NRP1: variants seen among roughly 807,000 people sequenced by gnomAD.
NRP1 encodes the protein neuropilin-1.
NRP1 carries 35 observed loss-of-function variants against 106.7 expected under a neutral mutation model. The observed-to-expected ratio is 0.33, with a 90% confidence interval of 0.25 to 0.43. The LOEUF is 0.43. Ranked by LOEUF, NRP1 falls within the 20% of genes least tolerant of loss-of-function variation. NRP1 has a pLI of 1.00. For synonymous variants in NRP1, 437 were observed against 417.9 expected (o/e 1.05, Z -0.56); for missense variants, 1,024 against 1,170.4 (o/e 0.87, Z 1.83).
intron 15 of NRP1, among the ~76,000 whole-genome samples, chr10:33,183,349 A>AAGAAG (rs1835808096): frequency 6.6e-6 from 1 of 151,934 alleles, no homozygotes; most frequent in Admixed American, 6.6e-5. Flanking sequence ...AAAAAAAAAA[A>AAGAAG]AGAAGAGAAG....
intron 9 of NRP1, chr10:33,211,605 T>G (rs1838306931): frequency 6.6e-6 from 1 of 152,270 alleles, no homozygotes; most frequent in South Asian, 2.1e-4. Context: ...GCCCTGCCAG[T>G]GGCCCGCTGC....
intron 7 of NRP1, among the ~76,000 whole-genome samples, chr10:33,225,531 C>T (rs1209648946): frequency 1.3e-5 from 2 of 152,162 alleles, no homozygotes; most frequent in African/African-American, 4.8e-5. Flanking sequence ...CATCTCTGTT[C>T]CAAATGAGCT....
At chr10:33,289,657 A>T (rs556445192) in intron 2 of NRP1, among the ~76,000 whole-genome samples, 1 of 152,306 alleles carries the variant, frequency 6.6e-6, no homozygotes, top group African/African-American at 2.4e-5. Context: ...CGTGTGTTAG[A>T]TACACATACG....
chr10:33,269,039 G>A (rs1010675635), intron 3 of NRP1, among the ~76,000 whole-genome samples: 9 of 152,128 alleles, frequency 5.9e-5, no homozygotes, highest in African/African-American at 1.9e-4. Flanking sequence ...CCAGAAGACC[G>A]AAGGCTTTTG....
chr10:33,184,320 C>T (rs1835873503), intron 15 of NRP1, among the ~76,000 whole-genome samples: 1 of 152,174 alleles, frequency 6.6e-6, no homozygotes, highest in Non-Finnish European at 1.5e-5. Flanking sequence ...CCGGCTCAGC[C>T]ATGTACTTTC....
intron 2 of NRP1, among the ~76,000 whole-genome samples, chr10:33,282,071 A>G (rs567009292): frequency 5.9e-5 from 9 of 152,312 alleles, no homozygotes; most frequent in South Asian, 2.1e-4. Context: ...AGCTCAATCA[A>G]TTAAAACCAT....
At chr10:33,314,882 C>T (rs1204592651) in intron 2 of NRP1, among the ~76,000 whole-genome samples, 1 of 152,184 alleles carries the variant, frequency 6.6e-6, no homozygotes, top group East Asian at 1.9e-4. Flanking sequence ...CACTTTCTGC[C>T]TCTTCCCTGG....
At chr10:33,326,181 A>G (rs1847878566) in intron 2 of NRP1, among the ~76,000 whole-genome samples, 3 of 152,168 alleles carry the variant, frequency 2.0e-5, no homozygotes, top group Admixed American at 2.0e-4. Flanking sequence ...GAAACTGGAG[A>G]AGTTTCATAA....
rs10558085 is a variant in NRP1 at position 33,230,597 on chromosome 10, A to ATGTG, written c.982-4312_982-4309dup. The stretch of plus-strand genomic sequence containing the variant: ...CCTATTTTCCATTAGTTTCTCATAT[A>ATGTG]TGTGTGTGTGTGTGTGTGTGTGTGT... On this transcript the variant is annotated intron_variant, in intron 6 of 16. Transcript: ENST00000374867. 2.0e-3 allele frequency among the ~76,000 whole-genome samples: 284 copies of ATGTG among 144,688 alleles called. 1 individual carries two copies. The highest frequency in any genetic ancestry group is 6.2e-3 in the East Asian group (31 of 5,030). 94.9% of individuals were successfully genotyped at this position (144,688 alleles called of 152,430 possible).
At chr10:33,226,351 C>CT (rs987073062) in intron 6 of NRP1, 62 bp from the exon 7 acceptor site, 35 of 1,575,614 alleles carry the variant, frequency 2.2e-5, no homozygotes, top group Non-Finnish European at 2.9e-5. Context: ...CCCAAAGCAT[C>CT]TTTTCCTGTG....
Position 33,315,537 on chromosome 10 carries a change from C to G in NRP1, c.248+15171G>C, listed in dbSNP as rs139191211. On this transcript the variant is annotated intron_variant, in intron 2 of 16. Transcript: ENST00000374867. ...CAATTCAATTTGGCAAATACAGCAC[C>G]TACTATATGCAAAACACTAAACTCG... 3.2e-4 allele frequency among the ~76,000 whole-genome samples: 49 copies of G among 152,294 alleles called. No homozygotes were observed. In the East Asian group the frequency reaches 9.1e-3, roughly 28 times the overall value.
chr10:33,189,792 T>G (rs1399060449), intron 13 of NRP1, among the ~76,000 whole-genome samples: 2 of 152,190 alleles, frequency 1.3e-5, no homozygotes, highest in Non-Finnish European at 2.9e-5. Context: ...CACCAAATAA[T>G]ATTATAAAAA....
At position 33,180,248 on chromosome 10, in the gene NRP1, A is replaced by T; in HGVS notation, c.2600T>A (p.Leu867Gln). ...ACAGACAGCCCCCAGGAGGACCCCC[A>T]GGGCACTCATGGCTATGATGGTGAT... Reference protein sequence around the residue: ...ILITIIAMSALGVLLGAVCGV... With the variant: ...ILITIIAMSAQGVLLGAVCGV... Residue 867 changes from leucine to glutamine, a missense_variant, in exon 17 of 17, where the codon CTG (leucine) becomes CAG (glutamine). By Grantham distance (113) the Leu-to-Gln change is moderately radical. Coordinates refer to ENST00000374867, the MANE Select transcript of NRP1 (RefSeq NM_003873.7). 1 of 1,614,062 alleles carries T rather than the reference A, an allele frequency of 6.2e-7. No homozygotes were observed. Among genetic ancestry groups the T allele is most frequent in the Non-Finnish European group, 8.5e-7 (1 of 1,180,008 alleles).
intron 6 of NRP1, among the ~76,000 whole-genome samples, chr10:33,238,907 G>C (rs1442107939): frequency 1.4e-5 from 2 of 146,802 alleles, no homozygotes; most frequent in Non-Finnish European, 3.0e-5. Context: ...GGGTGCCTCT[G>C]TGTGTGTGTG....
intron 6 of NRP1, among the ~76,000 whole-genome samples, chr10:33,252,058 G>A (rs1437685249): frequency 6.6e-6 from 1 of 152,096 alleles, no homozygotes; most frequent in African/African-American, 2.4e-5. Context: ...AATAACCCGA[G>A]ACCCTAGCGG....
chr10:33,190,525 T>C (rs1332455075), intron 13 of NRP1, among the ~76,000 whole-genome samples: 6 of 152,204 alleles, frequency 3.9e-5, no homozygotes, highest in Non-Finnish European at 2.9e-5. Flanking sequence ...ACCTATTTAA[T>C]GGTTATATTC....
intron 2 of NRP1, among the ~76,000 whole-genome samples, chr10:33,303,656 TTGG>T (rs1352925173): frequency 6.6e-6 from 1 of 152,140 alleles, no homozygotes; most frequent in African/African-American, 2.4e-5. Flanking sequence ...AAGTCAGAGG[TTGG>T]TGGTTAATGA....
At chr10:33,307,978 A>G (rs1318485992) in intron 2 of NRP1, among the ~76,000 whole-genome samples, 2 of 152,186 alleles carry the variant, frequency 1.3e-5, no homozygotes, top group Non-Finnish European at 2.9e-5. Flanking sequence ...AAGCCCATCA[A>G]TGGCAGACTG....
At chr10:33,237,514 CACAA>C (rs1213772290) in intron 6 of NRP1, among the ~76,000 whole-genome samples, 12 of 150,410 alleles carry the variant, frequency 8.0e-5, no homozygotes, top group African/African-American at 2.7e-4. Context: ...CACACACACA[CACAA>C]ATCCCACCCA....
Sources: gnomAD v4.1 joint callset for allele counts (sites outside exome capture counted in the v4.1 genomes callset) on GRCh38, gnomAD v4.1.1 for gene constraint, MANE v1.5 for transcripts, NCBI Gene and HGNC (gene_info 2026-07-23, HGNC 2026-07-21) for gene names.